Variants in TBX18 observed in about 807,000 individuals in gnomAD.
TBX18 encodes T-box transcription factor 18, also known as T-box transcription factor TBX18.
TBX18 carries 21 observed loss-of-function variants against 55.0 expected under a neutral mutation model. The observed-to-expected ratio is 0.38, with a 90% CI of 0.27 to 0.55. The LOEUF (loss-of-function observed/expected upper bound fraction) is 0.55, where lower values mean the gene tolerates loss of function less well. TBX18 is among the 20% of genes least tolerant of loss of function. TBX18 has a pLI of 0.73. For synonymous variants in TBX18, 342 were observed against 326.1 expected (o/e 1.05, Z -0.53); for missense variants, 840 against 799.6 (o/e 1.05, Z -0.61).
chr6:84,749,562 C>G (rs1767286458), intron 4 of TBX18, among the ~76,000 whole-genome samples: 1 of 151,374 alleles, frequency 6.6e-6, no homozygotes, highest in Non-Finnish European at 1.5e-5. Context: ...ATCATGCCAA[C>G]CAGACACTCT....
At chr6:84,755,230 A>T (rs1012819663) in intron 4 of TBX18, among the ~76,000 whole-genome samples, 3 of 152,222 alleles carry the variant, frequency 2.0e-5, no homozygotes, top group African/African-American at 7.2e-5. Flanking sequence ...TAAAATGATT[A>T]TATTGATTTA....
chr6:84,762,162 GAA>G (rs60538128), intron 2 of TBX18, among the ~76,000 whole-genome samples: 1 of 148,808 alleles, frequency 6.7e-6, no homozygotes, highest in Non-Finnish European at 1.5e-5. Flanking sequence ...AAAGAGAAAG[GAA>G]AAAAAAAAGA....
At chr6:84,754,645 G>A (rs1767438455) in intron 4 of TBX18, among the ~76,000 whole-genome samples, 1 of 152,162 alleles carries the variant, frequency 6.6e-6, no homozygotes, top group Admixed American at 6.5e-5. Context: ...AATGCTATGT[G>A]ACAGTTAATC....
At chr6:84,762,278 C>A (rs1767669921) in intron 2 of TBX18, among the ~76,000 whole-genome samples, 1 of 152,176 alleles carries the variant, frequency 6.6e-6, no homozygotes, top group African/African-American at 2.4e-5. Context: ...GAACATCAAC[C>A]GCGACAGCTG....
rs1767505971 is a variant in TBX18 at position 84,756,884 on chromosome 6, C to CCAGG, written c.600-19_600-16dup. 6.2e-7 allele frequency: 1 copy of CCAGG among 1,612,786 alleles called. No homozygotes were observed. Among genetic ancestry groups the CCAGG allele is most frequent in the African/African-American group, 1.3e-5 (1 of 74,886 alleles). ...GGTAAACATACCTAGAAGGCAATGACCAGGCGTTCAGTATACTGTTTTTAT... is the reference window on the plus strand; with the variant it reads ...GGTAAACATACCTAGAAGGCAATGACCAGGCAGGCGTTCAGTATACTGTTTTTAT... On this transcript the variant is annotated splice_polypyrimidine_tract_variant and intron_variant, in intron 3 of 7. Transcript: ENST00000369663.
At chr6:84,738,716 T>A (rs1316602850) in intron 6 of TBX18, 125 bp from the exon 7 acceptor site, 5 of 736,472 alleles carry the variant, frequency 6.8e-6, no homozygotes, top group South Asian at 3.1e-5. Flanking sequence ...ACTGTCCAGT[T>A]AGGATCTTGC....
chr6:84,750,720 G>T (rs539364389), intron 4 of TBX18, among the ~76,000 whole-genome samples: 24 of 152,118 alleles, frequency 1.6e-4, no homozygotes, highest in Admixed American at 4.6e-4. Flanking sequence ...TCATCACAGG[G>T]CCAGGTCCAA....
chr6:84,762,302 G>A (rs1767671112), intron 2 of TBX18, among the ~76,000 whole-genome samples: 1 of 152,194 alleles, frequency 6.6e-6, no homozygotes, highest in Non-Finnish European at 1.5e-5. Context: ...CATCAGCGGC[G>A]ACAGTAATTT....
chr6:84,749,563 CAG>C (rs924777061), intron 4 of TBX18, among the ~76,000 whole-genome samples: 3 of 151,342 alleles, frequency 2.0e-5, no homozygotes, highest in Non-Finnish European at 4.4e-5. Context: ...TCATGCCAAC[CAG>C]ACACTCTAGG....
At chr6:84,738,646 T>G in intron 6 of TBX18, 55 bp from the exon 7 acceptor site, 2 of 1,349,898 alleles carry the variant, frequency 1.5e-6, no homozygotes, top group Non-Finnish European at 2.1e-6. Context: ...TTAGGAGCAT[T>G]TGGATCTTTC....
chr6:84,743,027 C>T (rs1316832935), intron 6 of TBX18, among the ~76,000 whole-genome samples: 7 of 152,160 alleles, frequency 4.6e-5, no homozygotes, highest in Non-Finnish European at 1.0e-4. Context: ...TTTTTCTCTA[C>T]ATTGAAACAC....
At chr6:84,757,688 A>T (rs1767530064) in intron 3 of TBX18, among the ~76,000 whole-genome samples, 1 of 152,008 alleles carries the variant, frequency 6.6e-6, no homozygotes, top group African/African-American at 2.4e-5. Context: ...AAATATATTG[A>T]CTCAGTAAGA....
Position 84,737,006 on chromosome 6 carries a change from T to C in TBX18, c.1503A>G (p.Pro501=). 6.2e-7 allele frequency: 1 copy of C among 1,613,532 alleles called. No homozygotes were observed. Among genetic ancestry groups the C allele is most frequent in the Non-Finnish European group, 8.5e-7 (1 of 1,179,688 alleles). Reference sequence around the variant, plus strand: ...TGGCGAAGGCATTGCTGGAGGGTGATGGCATGATATACTGGAGCTGGGGGG... The same window carrying C: ...TGGCGAAGGCATTGCTGGAGGGTGACGGCATGATATACTGGAGCTGGGGGG... ...GMSPQLQYIM[P]SPSSNAFATN... is the part of the protein sequence containing the mutation. The change falls in exon 8 of 8, where the codon CCA becomes CCG. Residue 501 remains proline (P), a synonymous_variant. Transcript: ENST00000369663.
chr6:84,740,346 A>AT (rs1767015373), intron 6 of TBX18, among the ~76,000 whole-genome samples: 2 of 152,136 alleles, frequency 1.3e-5, no homozygotes, highest in South Asian at 4.1e-4. Context: ...CCTTAAGCAA[A>AT]TTTGCTAATC....
At position 84,734,111 on chromosome 6, in the gene TBX18, G is replaced by A. The variant is rs1242567829; in HGVS notation, c.*2574C>T. ...TGTTTACTAGTCAAGGGGCATAGAA[G>A]TAATCTGTCATCACTAGTCAGTGGT... On this transcript the variant is annotated 3_prime_UTR_variant, in exon 8 of 8. Coordinates refer to ENST00000369663, the MANE Select transcript of TBX18 (RefSeq NM_001080508.3). 1 of 152,170 alleles carries A rather than the reference G, an allele frequency of 6.6e-6. No individual in the cohort carries two copies. Among genetic ancestry groups the A allele is most frequent in the Non-Finnish European group, 1.5e-5 (1 of 68,044 alleles). The allele number at this position is 152,170 out of a possible 1,614,324, so 9.4% of individuals were successfully genotyped here. A position where few individuals can be genotyped will look rare whatever the true frequency, so the allele number is the denominator to read the frequency against.
chr6:84,752,472 A>G (rs1767376325), intron 4 of TBX18, among the ~76,000 whole-genome samples: 1 of 152,036 alleles, frequency 6.6e-6, no homozygotes, highest in Non-Finnish European at 1.5e-5. Context: ...TGAATCACAA[A>G]CTCCATAGCA....
At position 84,737,339 on chromosome 6, in the gene TBX18, C is replaced by G. The variant is rs573553225; in HGVS notation, c.1170G>C (p.Leu390Phe). The G allele has an allele frequency of 3.2e-6, 5 of 1,583,754 alleles. No individual in the cohort carries two copies. The highest frequency in any genetic ancestry group is 1.3e-5 in the African/African-American group (1 of 74,458). ...CAGGAGAGGAGCAAGAGGAGCCAGA[C>G]AAAAGGTGAGGGTGAGTGGCAGGAA... is the stretch of plus-strand genomic sequence containing the variant. ...NGVPATHPHL[L>F]SGSSCSSPAF... is the part of the protein sequence containing the mutation. The change falls in exon 8 of 8, where the codon TTG becomes TTC. Residue 390 changes from leucine to phenylalanine, a missense_variant. By Grantham distance (22) the Leu-to-Phe change is conservative. Coordinates refer to ENST00000369663, the MANE Select transcript of TBX18 (RefSeq NM_001080508.3).
At position 84,733,743 on chromosome 6, in the gene TBX18, A is replaced by G. The variant is rs1023554557; in HGVS notation, c.*2942T>C. 1.3e-5 allele frequency: 2 copies of G among 152,182 alleles called. No individual in the cohort carries two copies. The highest frequency in any genetic ancestry group is 2.9e-5 in the Non-Finnish European group (2 of 68,034). 9.4% of individuals were successfully genotyped at this position (152,182 alleles called of 1,614,324 possible). On this transcript the variant is annotated 3_prime_UTR_variant, in exon 8 of 8. Transcript: ENST00000369663. ...TCCAAAGCTGCTGTTTATTAATTTCACACTAAGGTGTGAGTTACTGGTAGG... is the reference window on the plus strand; with the variant it reads ...TCCAAAGCTGCTGTTTATTAATTTCGCACTAAGGTGTGAGTTACTGGTAGG...
At chr6:84,754,997 C>T (rs988296473) in intron 4 of TBX18, among the ~76,000 whole-genome samples, 2 of 152,118 alleles carry the variant, frequency 1.3e-5, no homozygotes, top group East Asian at 3.8e-4. Context: ...AAATTGTTCT[C>T]TCTGTGTCTG....
Sources: gnomAD v4.1 joint callset for allele counts (sites outside exome capture counted in the v4.1 genomes callset) on GRCh38, gnomAD v4.1.1 for gene constraint, MANE v1.5 for transcripts, NCBI Gene and HGNC (gene_info 2026-07-23, HGNC 2026-07-21) for gene names.